BMERB1: variants seen among roughly 807,000 people sequenced by gnomAD.
BMERB1 encodes the protein bMERB domain-containing protein 1.
Under a neutral mutation model 23.6 loss-of-function variants are expected in BMERB1, and 12 were observed. The observed-to-expected ratio is 0.51, with a 90% confidence interval of 0.33 to 0.82. BMERB1 has a LOEUF of 0.82. Ranked by LOEUF, BMERB1 falls within the 40% of genes least tolerant of loss-of-function variation. The probability of loss-of-function intolerance (pLI) is 0.03; values close to 1 mark genes in which losing one functional copy is unlikely to be tolerated. For missense variants in BMERB1, 247 were observed against 255.4 expected, an observed-to-expected ratio of 0.97 and a Z score of 0.22; for synonymous variants, 122 against 96.6, an observed-to-expected ratio of 1.26 and a Z score of -1.54.
chr16:15,571,546 G>A (rs2030727605), intron 3 of BMERB1, among the ~76,000 whole-genome samples: 1 of 151,898 alleles, frequency 6.6e-6, no homozygotes, highest in African/African-American at 2.4e-5. Flanking sequence ...AGTAGAGGTG[G>A]GGTTTCACCG....
intron 5 of BMERB1, chr16:15,583,934 T>A: frequency 1.5e-6 from 1 of 688,966 alleles, no homozygotes; most frequent in Non-Finnish European, 2.6e-6. Context: ...TCCTCCCTAA[T>A]TGCAAAGTTT....
At chr16:15,496,583 G>A (rs967931821) in intron 1 of BMERB1, among the ~76,000 whole-genome samples, 1 of 151,148 alleles carries the variant, frequency 6.6e-6, no homozygotes, top group Non-Finnish European at 1.5e-5. Flanking sequence ...CTGTCACCCA[G>A]CCTGGAGTGC....
At chr16:15,527,738 C>CA (rs1419748484) in intron 2 of BMERB1, among the ~76,000 whole-genome samples, 1 of 152,158 alleles carries the variant, frequency 6.6e-6, no homozygotes, top group African/African-American at 2.4e-5. Context: ...TTAAATGTCT[C>CA]AAAGATACCT....
chr16:15,556,656 G>C (rs1425598612), intron 2 of BMERB1, among the ~76,000 whole-genome samples: 1 of 152,104 alleles, frequency 6.6e-6, no homozygotes, highest in Non-Finnish European at 1.5e-5. Context: ...TGCAATCTCG[G>C]CTCACTGCAA....
chr16:15,490,721 G>T (rs1024444569), intron 1 of BMERB1, among the ~76,000 whole-genome samples: 3 of 152,222 alleles, frequency 2.0e-5, no homozygotes, highest in African/African-American at 7.2e-5. Context: ...GCACCTTCCC[G>T]GCTGTCCCAC....
intron 3 of BMERB1, among the ~76,000 whole-genome samples, chr16:15,572,239 C>A (rs529571467): frequency 3.8e-5 from 5 of 130,058 alleles, no homozygotes; most frequent in Non-Finnish European, 7.4e-5. Context: ...AATAATACTA[C>A]CCCCCGCATG....
intron 1 of BMERB1, among the ~76,000 whole-genome samples, chr16:15,444,195 G>C (rs180932801): frequency 3.8e-5 from 5 of 131,498 alleles, no homozygotes; most frequent in Non-Finnish European, 6.2e-5. Flanking sequence ...GGACTGCCTG[G>C]TTCACTTATA....
intron 2 of BMERB1, among the ~76,000 whole-genome samples, chr16:15,547,337 C>T (rs114854178): frequency 0.02 from 2,804 of 143,218 alleles, 77 homozygotes; most frequent in Admixed American, 0.052. Context: ...TTGTTTTTTT[C>T]TTCTTCTTTT....
At position 15,439,739 on chromosome 16, in the gene BMERB1, T is replaced by C. The variant is rs539755717; in HGVS notation, c.106+4980T>C. The stretch of plus-strand genomic sequence containing the variant: ...AGTGACATTTCAGCGTGGTTAGATA[T>C]ATAAAAATACTGCTTTCAACCAAGT... On this transcript the variant is annotated intron_variant, in intron 1 of 5. Transcript: ENST00000300006. 3.9e-5 allele frequency among the ~76,000 whole-genome samples: 6 copies of C among 152,318 alleles called. No homozygotes were observed. The South Asian group carries it at 1.0e-3, about 26-fold the overall frequency.
At chr16:15,478,943 A>G (rs1298578254) in intron 1 of BMERB1, among the ~76,000 whole-genome samples, 1 of 152,240 alleles carries the variant, frequency 6.6e-6, no homozygotes, top group Non-Finnish European at 1.5e-5. Flanking sequence ...TGGTTGTCTC[A>G]AGGAAAAGCA....
intron 1 of BMERB1, among the ~76,000 whole-genome samples, chr16:15,445,546 A>G (rs1327529389): frequency 6.6e-6 from 1 of 152,142 alleles, no homozygotes; most frequent in Non-Finnish European, 1.5e-5. Flanking sequence ...CATATGTGGA[A>G]TCACCATTAA....
At chr16:15,556,732 C>T (rs750455374) in intron 2 of BMERB1, among the ~76,000 whole-genome samples, 3 of 152,206 alleles carry the variant, frequency 2.0e-5, no homozygotes, top group Middle Eastern at 3.4e-3. Context: ...ACTACAAGCA[C>T]GTGCCACCAC....
rs373677002 is a variant in BMERB1 at position 15,550,279 on chromosome 16, A to G, written c.231-17704A>G. 4.0e-5 allele frequency among the ~76,000 whole-genome samples: 6 copies of G among 150,316 alleles called. No homozygotes were observed. The East Asian group carries it at 1.2e-3, about 30-fold the overall frequency. The stretch of plus-strand genomic sequence containing the variant: ...AAATGTTGAGGTGGTTTGAAGGCTA[A>G]TGGAAATTACGAGGTGGGACTGAAA... On this transcript the variant is annotated intron_variant, in intron 2 of 5. Transcript: ENST00000300006.
intron 2 of BMERB1, among the ~76,000 whole-genome samples, chr16:15,523,300 C>T (rs767316494): frequency 7.2e-5 from 11 of 152,136 alleles, no homozygotes; most frequent in Non-Finnish European, 1.3e-4. Flanking sequence ...TTGTGTGTCA[C>T]CTGCTAGGGT....
chr16:15,434,624 G>A lies in BMERB1; in HGVS notation c.-30G>A. ...CCGCAACGGGAATGGAGTAAAGGGA[G>A]ACCCGTCGACCTGGCCACGGGGATC... On this transcript the variant is annotated 5_prime_UTR_variant, in exon 1 of 6. Coordinates refer to ENST00000300006, the MANE Select transcript of BMERB1 (RefSeq NM_033201.3). The A allele has an allele frequency of 6.3e-7, 1 of 1,584,652 alleles. No individual in the cohort carries two copies. Among genetic ancestry groups the A allele is most frequent in the African/African-American group, 1.3e-5 (1 of 74,476 alleles).
At chr16:15,491,858 A>G (rs979534287) in intron 1 of BMERB1, among the ~76,000 whole-genome samples, 2 of 151,588 alleles carry the variant, frequency 1.3e-5, no homozygotes, top group Non-Finnish European at 2.9e-5. Flanking sequence ...ATCACTGTCT[A>G]CCCCCGTAAT....
In BMERB1 at chr16:15,531,968, C is replaced by T. The variant is rs745474306; in HGVS notation, c.230+16540C>T. On this transcript the variant is annotated intron_variant, in intron 2 of 5. Coordinates refer to ENST00000300006, the MANE Select transcript of BMERB1 (RefSeq NM_033201.3). Reference sequence around the variant, plus strand: ...AACTGCAAGTGACTTAGCAGAGCTGCCTTGGTGTTTTGGGTCTACACAACC... The same window carrying T: ...AACTGCAAGTGACTTAGCAGAGCTGTCTTGGTGTTTTGGGTCTACACAACC... 2.6e-4 allele frequency among the ~76,000 whole-genome samples: 39 copies of T among 152,144 alleles called. 1 individual carries two copies. The highest frequency in any genetic ancestry group is 4.4e-4 in the Non-Finnish European group (30 of 68,024).
At chr16:15,577,097 G>C (rs1281265958) in intron 3 of BMERB1, 1 of 152,138 alleles carries the variant, frequency 6.6e-6, no homozygotes, top group Non-Finnish European at 1.5e-5. Flanking sequence ...CTTTCCACTT[G>C]GGCGGCGCCA....
intron 1 of BMERB1, among the ~76,000 whole-genome samples, chr16:15,480,712 C>G (rs2051313080): frequency 7.1e-6 from 1 of 141,126 alleles, no homozygotes; most frequent in Non-Finnish European, 1.5e-5. Context: ...CTCCCAGGTT[C>G]AAGTGATTCT....
Sources: allele counts gnomAD v4.1 joint callset (sites outside exome capture counted in the v4.1 genomes callset), GRCh38; gene constraint gnomAD v4.1.1; transcripts MANE v1.5; gene names NCBI Gene and HGNC (gene_info 2026-07-23, HGNC 2026-07-21).